GSG1L: variants seen among roughly 807,000 people sequenced by gnomAD.
GSG1L encodes GSG1 like.
Under a neutral mutation model 42.1 loss-of-function variants are expected in GSG1L, and 24 were observed. That is an observed-to-expected ratio of 0.57 (90% confidence interval 0.41 to 0.80). The LOEUF (loss-of-function observed/expected upper bound fraction) is 0.80. GSG1L is among the 30% of genes least tolerant of loss of function. The pLI, the probability that GSG1L is intolerant of heterozygous loss-of-function variation, is 0.00. For missense variants in GSG1L, 445 were observed against 472.2 expected (o/e 0.94, Z 0.53); for synonymous variants, 215 against 203.5 (o/e 1.06, Z -0.48).
intron 2 of GSG1L, among the ~76,000 whole-genome samples, chr16:27,923,894 GA>G (rs1251764487): frequency 6.6e-6 from 1 of 152,064 alleles, no homozygotes; most frequent in African/African-American, 2.4e-5. Flanking sequence ...GTAATTAAAA[GA>G]ACAAACTCTG....
intron 1 of GSG1L, among the ~76,000 whole-genome samples, chr16:27,967,063 G>A (rs2085144148): frequency 6.6e-6 from 1 of 152,148 alleles, no homozygotes; most frequent in Non-Finnish European, 1.5e-5. Context: ...TGCAACCCCT[G>A]GCTTCAGGAT....
At chr16:27,803,800 G>GAT (rs1406574562) in intron 6 of GSG1L, among the ~76,000 whole-genome samples, 15,726 of 72,646 alleles carry the variant, frequency 0.22, 1,044 homozygotes, top group Middle Eastern at 0.25. Flanking sequence ...TATATAGATA[G>GAT]ATAGATATAG....
intron 2 of GSG1L, among the ~76,000 whole-genome samples, chr16:27,896,398 G>T (rs538761847): frequency 6.6e-6 from 1 of 152,080 alleles, no homozygotes; most frequent in Non-Finnish European, 1.5e-5. Flanking sequence ...ATGGCACAAG[G>T]GACTTTGCAG....
chr16:27,977,298 A>G (rs1272856708), intron 1 of GSG1L, among the ~76,000 whole-genome samples: 2 of 152,212 alleles, frequency 1.3e-5, no homozygotes, highest in African/African-American at 2.4e-5. Flanking sequence ...GGAACAAGAC[A>G]GGACAGGCGC....
chr16:27,904,816 G>A (rs553885848), intron 2 of GSG1L, among the ~76,000 whole-genome samples: 1 of 152,270 alleles, frequency 6.6e-6, no homozygotes, highest in Non-Finnish European at 1.5e-5. Context: ...CATAAATGGG[G>A]GTGAATGCTC....
At chr16:27,924,839 C>A (rs558454605) in intron 2 of GSG1L, among the ~76,000 whole-genome samples, 6 of 152,244 alleles carry the variant, frequency 3.9e-5, no homozygotes, top group East Asian at 1.9e-4. Flanking sequence ...TAATTTTGAC[C>A]CTTACAGTCA....
At chr16:27,836,641 GC>G (rs994431442) in intron 4 of GSG1L, among the ~76,000 whole-genome samples, 3 of 152,042 alleles carry the variant, frequency 2.0e-5, no homozygotes, top group Admixed American at 6.6e-5. Flanking sequence ...CTGCTGTTGA[GC>G]CCAACCATTG....
chr16:27,877,613 TG>T (rs2083903926), intron 3 of GSG1L, among the ~76,000 whole-genome samples: 1 of 152,060 alleles, frequency 6.6e-6, no homozygotes, highest in Admixed American at 6.6e-5. Flanking sequence ...CCCTCAGCCC[TG>T]GGGGGCCACC....
intron 2 of GSG1L, among the ~76,000 whole-genome samples, chr16:27,949,788 G>A (rs1415948713): frequency 2.0e-5 from 3 of 152,142 alleles, no homozygotes; most frequent in Admixed American, 6.6e-5. Context: ...AGCTGGTTGC[G>A]GTGGTGGGCG....
chr16:27,946,247 C>G (rs949164382), intron 2 of GSG1L, among the ~76,000 whole-genome samples: 1 of 151,966 alleles, frequency 6.6e-6, no homozygotes, highest in Non-Finnish European at 1.5e-5. Context: ...AAAGAGCTGT[C>G]GAAAGAACTA....
chr16:28,022,259 A>G (rs2085852657), intron 1 of GSG1L, among the ~76,000 whole-genome samples: 3 of 152,238 alleles, frequency 2.0e-5, no homozygotes, highest in Admixed American at 2.0e-4. Context: ...AGGTGATTAC[A>G]TGAGGTTCAA....
chr16:27,803,430 C>T (rs955853276), intron 6 of GSG1L, among the ~76,000 whole-genome samples: 2 of 152,122 alleles, frequency 1.3e-5, no homozygotes, highest in Admixed American at 6.5e-5. Flanking sequence ...CCAGCAGGCT[C>T]GACGCTGTGC....
chr16:27,943,644 G>A (rs1169774739), intron 2 of GSG1L, among the ~76,000 whole-genome samples: 1 of 121,262 alleles, frequency 8.2e-6, no homozygotes, highest in Non-Finnish European at 1.6e-5. Context: ...GTGCAATCTC[G>A]ACTCACTGCA....
chr16:28,017,391 C>A (rs1326677553), intron 1 of GSG1L, among the ~76,000 whole-genome samples: 1 of 152,190 alleles, frequency 6.6e-6, no homozygotes. Context: ...GTAGGTGCAA[C>A]CACTTGGGAA....
rs548456230 is a variant in GSG1L, at chr16:28,021,878, C to T, written c.349+41198G>A. On this transcript the variant is annotated intron_variant, in intron 1 of 6. Coordinates refer to ENST00000447459, the MANE Select transcript of GSG1L (RefSeq NM_001109763.2). ...AGCCCAGCTGGGGTTGGCACCTCTC[C>T]CCATGGGCCTCGACACGGGGCTACT... Among the ~76,000 whole-genome samples, 3 of 152,264 alleles carry T rather than the reference C, an allele frequency of 2.0e-5. No individual in the cohort carries two copies. In the East Asian group the frequency reaches 5.8e-4, roughly 29 times the overall value.
chr16:28,003,112 T>C (rs1422665926), intron 1 of GSG1L, among the ~76,000 whole-genome samples: 2 of 152,150 alleles, frequency 1.3e-5, no homozygotes, highest in African/African-American at 4.8e-5. Context: ...CAGGGCCAGA[T>C]TGCTCAGCCT....
At chr16:27,906,715 CT>C (rs1305107902) in intron 2 of GSG1L, among the ~76,000 whole-genome samples, 1 of 152,224 alleles carries the variant, frequency 6.6e-6, no homozygotes, top group Non-Finnish European at 1.5e-5. Context: ...CTTCTCTCCC[CT>C]GGCCACGCCC....
chr16:27,799,233 C>CAA (rs5816445), intron 6 of GSG1L, among the ~76,000 whole-genome samples: 76 of 133,594 alleles, frequency 5.7e-4, no homozygotes, highest in Non-Finnish European at 7.7e-4. Flanking sequence ...CCATATCTAC[C>CAA]AAAAAAAAAA....
chr16:28,017,415 T>G (rs1396179181), intron 1 of GSG1L, among the ~76,000 whole-genome samples: 1 of 152,200 alleles, frequency 6.6e-6, no homozygotes, highest in African/African-American at 2.4e-5. Context: ...TTCTTGGCGT[T>G]ATCTAATGAA....
Sources: allele counts gnomAD v4.1 joint callset (sites outside exome capture counted in the v4.1 genomes callset), GRCh38; gene constraint gnomAD v4.1.1; transcripts MANE v1.5; gene names NCBI Gene and HGNC (gene_info 2026-07-23, HGNC 2026-07-21).